ANAPC1: variants seen among roughly 807,000 people sequenced by gnomAD.
The protein encoded by ANAPC1 is anaphase promoting complex subunit 1.
A neutral mutation model predicts 208.0 loss-of-function variants in ANAPC1; 36 were observed. The ratio of observed to expected loss-of-function variants is 0.17; its 90% CI spans 0.13 to 0.23. ANAPC1 has a LOEUF of 0.23. Among genes scored for constraint, ANAPC1 ranks in the 10% least tolerant of loss-of-function variants. The pLI is 1.00. For synonymous variants in ANAPC1, 378 were observed against 695.2 expected (o/e 0.54, Z 7.18); for missense variants, 942 against 2,011.6 (o/e 0.47, Z 10.17).
At chr2:111,863,305 G>C (rs1277004840) in intron 9 of ANAPC1, among the ~76,000 whole-genome samples, 2 of 151,274 alleles carry the variant, frequency 1.3e-5, no homozygotes, top group Non-Finnish European at 2.9e-5. Flanking sequence ...TCAGGAGATC[G>C]AGACCATCCT....
Position 111,847,196 on chromosome 2 carries a change from T to C in ANAPC1, c.1794A>G (p.Glu598=). Residue 598 remains glutamate (E), a splice_region_variant and synonymous_variant, in exon 16 of 48, where the codon GAA becomes GAG. Coordinates refer to ENST00000341068, the MANE Select transcript of ANAPC1 (RefSeq NM_022662.4). The part of the protein sequence containing the change: ...RDPVHNRVTL[E]LSNGSMVRIT... ...TCCTAACCATGGAGCCATTACTCAGTTCCTAGATGGAAACAAATGAGAAAG... is the reference window on the plus strand; with the variant it reads ...TCCTAACCATGGAGCCATTACTCAGCTCCTAGATGGAAACAAATGAGAAAG... 2 of 1,609,358 alleles carry C rather than the reference T, an allele frequency of 1.2e-6. No homozygotes were observed. The highest frequency in any genetic ancestry group is 1.7e-6 in the Non-Finnish European group (2 of 1,178,380).
chr2:111,795,433 C>A (rs866189351), intron 34 of ANAPC1, among the ~76,000 whole-genome samples: 1,914 of 146,762 alleles, frequency 0.013, no homozygotes, highest in African/African-American at 0.046. Flanking sequence ...CAAATATAAA[C>A]AGGAAGACGT....
chr2:111,826,546 A>G (rs1679841517), intron 21 of ANAPC1, among the ~76,000 whole-genome samples: 1 of 152,164 alleles, frequency 6.6e-6, no homozygotes, highest in African/African-American at 2.4e-5. Flanking sequence ...CTTCCTTTTC[A>G]TGCTAAGTAG....
rs140979946 is a variant in ANAPC1, at chr2:111,880,743, C to A, written c.83G>T (p.Cys28Phe). 6.2e-7 allele frequency: 1 copy of A among 1,613,926 alleles called. No homozygotes were observed. The highest frequency in any genetic ancestry group is 1.1e-5 in the South Asian group (1 of 91,068). ...QEFVPFGRDH[C>F]KHHPNALNLQ... ...GTTCAAAGCATTAGGGTGGTGCTTG[C>A]AGTGGTCTCGACCAAAAGGAACAAA... The change falls in exon 2 of 48, where the codon TGC becomes TTC. Residue 28 changes from cysteine (C) to phenylalanine (F), a missense_variant. Transcript: ENST00000341068.
In ANAPC1 at chr2:111,834,729, T is replaced by A; in HGVS notation, c.2259A>T (p.Thr753=). The A allele has an allele frequency of 6.2e-7, 1 of 1,613,402 alleles. No individual in the cohort carries two copies. ...TTGCAGGTATGTGAGTAAAGAGAAG[T>A]GTAGAAGAATCCAGACTGAGATTCT... ...FSQNLSLDSS[T]LLFTHIPAIF... The change falls in exon 19 of 48, where the codon ACA becomes ACT. Residue 753 remains threonine, a synonymous_variant. Coordinates refer to ENST00000341068, the MANE Select transcript of ANAPC1 (RefSeq NM_022662.4).
chr2:111,833,504 C>T (rs1680294542), intron 19 of ANAPC1, among the ~76,000 whole-genome samples, 193 bp from the exon 20 acceptor site: 1 of 151,748 alleles, frequency 6.6e-6, no homozygotes, highest in Non-Finnish European at 1.5e-5. Context: ...TCTCTTTTTG[C>T]TAAATTTTGT....
intron 3 of ANAPC1, among the ~76,000 whole-genome samples, chr2:111,877,814 A>AT (rs2104607420): frequency 6.6e-6 from 1 of 152,170 alleles, no homozygotes; most frequent in Non-Finnish European, 1.5e-5. Flanking sequence ...AACAATAATA[A>AT]TAATAATAAA....
intron 3 of ANAPC1, among the ~76,000 whole-genome samples, chr2:111,876,363 T>G (rs2104603116): frequency 6.6e-6 from 1 of 152,292 alleles, no homozygotes; most frequent in South Asian, 2.1e-4. Context: ...AATAGAAAAT[T>G]ATCTTTCTCC....
chr2:111,872,812 G>A, intron 5 of ANAPC1, 100 bp from the exon 6 acceptor site: 2 of 743,730 alleles, frequency 2.7e-6, no homozygotes, highest in South Asian at 3.5e-5. Flanking sequence ...TTCCAATTTA[G>A]TAATAGCTTT....
At chr2:111,838,355 A>C in intron 18 of ANAPC1, 83 bp downstream of exon 18, 2 of 1,079,784 alleles carry the variant, frequency 1.9e-6, no homozygotes. Context: ...AGATAGAGGA[A>C]TTGATAGGAA....
At chr2:111,780,953 T>C (rs570143783) in intron 43 of ANAPC1, among the ~76,000 whole-genome samples, 8 of 146,926 alleles carry the variant, frequency 5.4e-5, no homozygotes, top group African/African-American at 2.1e-4. Context: ...GTTGCAGGTA[T>C]AGATCTCAGG....
chr2:111,859,257 C>T (rs1681919579), intron 10 of ANAPC1, among the ~76,000 whole-genome samples: 1 of 152,076 alleles, frequency 6.6e-6, no homozygotes, highest in African/African-American at 2.4e-5. Context: ...CCGAGGTGGG[C>T]AGATCACCTG....
Position 111,825,066 on chromosome 2 carries a change from A to C in ANAPC1, c.2742-30T>G, listed in dbSNP as rs544269253. 16 of 1,613,928 alleles carry C rather than the reference A, an allele frequency of 9.9e-6. No individual in the cohort carries two copies. The African/African-American group carries it at 1.1e-4, about 11-fold the overall frequency. On this transcript the variant is annotated intron_variant, in intron 23 of 47. Transcript: ENST00000341068. The stretch of plus-strand genomic sequence containing the variant: ...AAGAGAATAAAACATAAAGTTATTA[A>C]GCAGAACAGTAAATAATATTGTTTT...
intron 21 of ANAPC1, among the ~76,000 whole-genome samples, chr2:111,829,649 TAAAA>T (rs1680025406): frequency 1.3e-5 from 2 of 151,984 alleles, no homozygotes; most frequent in Admixed American, 1.3e-4. Context: ...AACTAATTTC[TAAAA>T]ATAAATAAAT....
rs184233563 is a variant in ANAPC1, at chr2:111,879,080, T to C, written c.214-109A>G. On this transcript the variant is annotated intron_variant, in intron 2 of 47. Transcript: ENST00000341068. ...GAGTAAGACTCAATTCAAACACAAC[T>C]CCTACAAAGTTTGGTACACTGATTA... The C allele has an allele frequency of 4.6e-6, 4 of 875,812 alleles. No individual in the cohort carries two copies. In the African/African-American group the frequency reaches 4.9e-5, roughly 11 times the overall value. The allele number at this position is 875,812 out of a possible 1,614,324, so 54.3% of individuals were successfully genotyped here.
chr2:111,782,391 T>C lies in ANAPC1; in HGVS notation c.5180A>G (p.Asn1727Ser). 1.2e-6 allele frequency: 2 copies of C among 1,613,024 alleles called. No individual in the cohort carries two copies. Among genetic ancestry groups the C allele is most frequent in the Non-Finnish European group, 1.7e-6 (2 of 1,179,420 alleles). The stretch of plus-strand genomic sequence containing the variant: ...TACCTTGAAAGCCCGGGCTTCAGAG[T>C]TCCTGTTAGCAACAGTCTGAGCCAA... ...SLLAQTVANR[N>S]SEARAFKPET... Residue 1727 changes from asparagine to serine, a missense_variant, in exon 43 of 48, where the codon AAC (asparagine) becomes AGC (serine). Transcript: ENST00000341068.
intron 21 of ANAPC1, among the ~76,000 whole-genome samples, chr2:111,829,315 A>G (rs1205831261): frequency 6.6e-6 from 1 of 152,210 alleles, no homozygotes; most frequent in Non-Finnish European, 1.5e-5. Flanking sequence ...ATCATTCTGT[A>G]TGTCTGTTTT....
intron 5 of ANAPC1, 30 bp downstream of exon 5, chr2:111,873,278 A>C (rs761123748): frequency 7.7e-6 from 12 of 1,566,704 alleles, no homozygotes; most frequent in South Asian, 7.1e-5. Flanking sequence ...CTCCAACAAA[A>C]CCCCCCCAAA....
At chr2:111,826,665 A>AT (rs34574346) in intron 21 of ANAPC1, among the ~76,000 whole-genome samples, 38,670 of 138,872 alleles carry the variant, frequency 0.28, 5,767 homozygotes, top group Non-Finnish European at 0.33. Context: ...TTATTTATTT[A>AT]TTTTTTTTTT....
Sources: allele counts gnomAD v4.1 joint callset (sites outside exome capture counted in the v4.1 genomes callset), GRCh38; gene constraint gnomAD v4.1.1; transcripts MANE v1.5; gene names NCBI Gene and HGNC (gene_info 2026-07-23, HGNC 2026-07-21).